The following RADIL variants were observed in gnomAD, a reference collection of about 807,000 sequenced individuals.
RADIL encodes ras-associating and dilute domain-containing protein.
In RADIL, 99 loss-of-function variants were observed where a neutral mutation model predicts 97.6. The observed-to-expected ratio is 1.01, with a 90% confidence interval of 0.86 to 1.20. The LOEUF is 1.20. Ranked by LOEUF, RADIL falls within the 50% of genes most tolerant of loss-of-function variation. RADIL has a pLI of 0.00. For synonymous variants in RADIL, 803 were observed against 691.8 expected, an observed-to-expected ratio of 1.16 and a Z score of -2.52; for missense variants, 1,765 against 1,498.9, an observed-to-expected ratio of 1.18 and a Z score of -2.93.
chr7:4,838,845 TG>T (rs1783369107), intron 2 of RADIL, among the ~76,000 whole-genome samples: 1 of 152,228 alleles, frequency 6.6e-6, no homozygotes, highest in Non-Finnish European at 1.5e-5. Context: ...GGCACAGCCG[TG>T]GGCATGGCCA....
chr7:4,875,520 C>T (rs1256603428), intron 2 of RADIL, among the ~76,000 whole-genome samples: 1 of 152,222 alleles, frequency 6.6e-6, no homozygotes, highest in Non-Finnish European at 1.5e-5. Context: ...CCCAGGGCTC[C>T]TCCTCGCCCG....
intron 2 of RADIL, among the ~76,000 whole-genome samples, chr7:4,864,830 A>T (rs1303967641): frequency 1.3e-5 from 2 of 152,158 alleles, no homozygotes; most frequent in East Asian, 3.8e-4. Flanking sequence ...AACTAAATTA[A>T]TCTCCTATTA....
Position 4,799,621 on chromosome 7 carries a change from T to C in RADIL, c.3122+9A>G. On this transcript the variant is annotated intron_variant, in intron 14 of 14. Coordinates refer to ENST00000399583, the MANE Select transcript of RADIL (RefSeq NM_018059.5). ...GAGAAGGGGCCGGGCGTGCATGCGG[T>C]GGGGGTACCTCAGGTAGCCAAGGCC... 2.5e-6 allele frequency: 4 copies of C among 1,605,766 alleles called. No individual in the cohort carries two copies. The highest frequency in any genetic ancestry group is 3.4e-6 in the Non-Finnish European group (4 of 1,176,024).
chr7:4,864,879 T>C (rs149896859), intron 2 of RADIL, among the ~76,000 whole-genome samples: 2 of 152,290 alleles, frequency 1.3e-5, no homozygotes, highest in African/African-American at 4.8e-5. Context: ...GGAGCCAGAG[T>C]CATCTTTTAA....
In RADIL at chr7:4,872,835, T is replaced by C. The variant is rs1210709621; in HGVS notation, c.535+4770A>G. ...GGCTGACACCTTCCCCACCAGACTC[T>C]GTAGGGGAGTCCGAGGTGAGGGGCA... On this transcript the variant is annotated intron_variant, in intron 2 of 14. Transcript: ENST00000399583. The surrounding 1 kb of genome is among the most constrained non-coding windows in gnomAD (Gnocchi z 5.8). Among the ~76,000 whole-genome samples the C allele has an allele frequency of 6.6e-6, 1 of 152,156 alleles. No individual in the cohort carries two copies. Among genetic ancestry groups the C allele is most frequent in the African/African-American group, 2.4e-5 (1 of 41,438 alleles).
intron 12 of RADIL, among the ~76,000 whole-genome samples, chr7:4,800,788 C>G (rs1782057176): frequency 1.3e-5 from 2 of 152,202 alleles, no homozygotes; most frequent in South Asian, 4.1e-4. Context: ...AATGGTGATC[C>G]TGCCGTGGGT....
intron 5 of RADIL, among the ~76,000 whole-genome samples, chr7:4,829,359 G>A (rs1170952802): frequency 6.6e-6 from 1 of 152,172 alleles, no homozygotes; most frequent in Non-Finnish European, 1.5e-5. Flanking sequence ...GGGAGCGGGT[G>A]TTTGCCAGTG....
chr7:4,843,570 C>A (rs1783498124), intron 2 of RADIL, among the ~76,000 whole-genome samples: 1 of 152,168 alleles, frequency 6.6e-6, no homozygotes. Context: ...CCATGGCCAG[C>A]CTGACTCTGG....
At chr7:4,853,093 G>A (rs565660952) in intron 2 of RADIL, among the ~76,000 whole-genome samples, 1 of 152,278 alleles carries the variant, frequency 6.6e-6, no homozygotes, top group Non-Finnish European at 1.5e-5. Context: ...ACCTTGAGAT[G>A]GGGTGAGTGT....
chr7:4,822,225 C>G lies in RADIL; in HGVS notation c.1615+169G>C, dbSNP rs1315605856. ...GCCCGTGCCACCAGCACCAGCCTCA[C>G]AGGCCGTCCCCGAGCAACTGACACA... On this transcript the variant is annotated intron_variant, in intron 6 of 14. Transcript: ENST00000399583. The surrounding 1 kb of genome is among the most constrained non-coding windows in gnomAD (Gnocchi z 5.3). Among the ~76,000 whole-genome samples, 1 of 152,208 alleles carries G rather than the reference C, an allele frequency of 6.6e-6. No homozygotes were observed. Among genetic ancestry groups the G allele is most frequent in the African/African-American group, 2.4e-5 (1 of 41,462 alleles).
Position 4,840,827 on chromosome 7 carries a change from C to T in RADIL, c.536-4222G>A, listed in dbSNP as rs1016532334. On this transcript the variant is annotated intron_variant, in intron 2 of 14. Transcript: ENST00000399583. The surrounding 1 kb of genome is among the most constrained non-coding windows in gnomAD (Gnocchi z 5.6). ...ACTAAAAATACAAAACTTAGCTGGG[C>T]GTGGAGGTGGGCGCCTGTAGTCCCG... 2.0e-5 allele frequency among the ~76,000 whole-genome samples: 3 copies of T among 152,102 alleles called. No homozygotes were observed. The highest frequency in any genetic ancestry group is 6.5e-5 in the Admixed American group (1 of 15,278).
intron 11 of RADIL, among the ~76,000 whole-genome samples, chr7:4,802,367 G>C (rs1169306935): frequency 5.3e-5 from 6 of 113,672 alleles, no homozygotes; most frequent in Admixed American, 4.8e-4. Context: ...ACGCTGGCTG[G>C]GGGGCCCCCT....
intron 11 of RADIL, among the ~76,000 whole-genome samples, chr7:4,802,930 C>A (rs1782159158): frequency 8.5e-6 from 1 of 117,666 alleles, no homozygotes; most frequent in African/African-American, 4.0e-5. Context: ...GGCTGGGTCC[C>A]CTCCCCGGGC....
rs1282872587 is a variant in RADIL, at chr7:4,880,714, C to T, written c.-64-2511G>A. 6.6e-6 allele frequency among the ~76,000 whole-genome samples: 1 copy of T among 152,226 alleles called. No homozygotes were observed. The highest frequency in any genetic ancestry group is 1.5e-5 in the Non-Finnish European group (1 of 68,042). On this transcript the variant is annotated intron_variant, in intron 1 of 14. Coordinates refer to ENST00000399583, the MANE Select transcript of RADIL (RefSeq NM_018059.5). This position sits in a 1 kb window ranked among gnomAD's most constrained non-coding sequence, Gnocchi z 4.5. ...GGATGGTACAGCCTCTGCCACCAGG[C>T]AGCTGTGGCTCAGGAAACCTCTGCC...
intron 2 of RADIL, among the ~76,000 whole-genome samples, chr7:4,846,607 G>A (rs1490270869): frequency 6.9e-6 from 1 of 145,646 alleles, no homozygotes; most frequent in Non-Finnish European, 1.5e-5. Flanking sequence ...GTGCAGTGGT[G>A]CTGTCTCAGC....
Position 4,835,273 on chromosome 7 carries a change from C to G in RADIL, c.784-34G>C, listed in dbSNP as rs368519802. ...GAGACTCCGCTCAGGGCAGGCGTAA[C>G]GCGAGCAGCACACGGGAAAAGCGTC... is the stretch of plus-strand genomic sequence containing the variant. On this transcript the variant is annotated intron_variant, in intron 3 of 14. Coordinates refer to ENST00000399583, the MANE Select transcript of RADIL (RefSeq NM_018059.5). This position sits in a 1 kb window ranked among gnomAD's most constrained non-coding sequence, Gnocchi z 5.8. 3 of 1,598,230 alleles carry G rather than the reference C, an allele frequency of 1.9e-6. No individual in the cohort carries two copies. In the African/African-American group the frequency reaches 4.0e-5, roughly 21 times the overall value.
intron 7 of RADIL, 78 bp from the exon 8 acceptor site, chr7:4,816,543 G>A: frequency 1.6e-6 from 2 of 1,227,480 alleles, no homozygotes; most frequent in Non-Finnish European, 1.2e-6. Context: ...GACCCAGCGA[G>A]CTCCCCACCC....
rs1239613895 is a variant in RADIL, at chr7:4,867,259, T to C, written c.535+10346A>G. On this transcript the variant is annotated intron_variant, in intron 2 of 14. Coordinates refer to ENST00000399583, the MANE Select transcript of RADIL (RefSeq NM_018059.5). The surrounding 1 kb of genome is among the most constrained non-coding windows in gnomAD (Gnocchi z 4.1). ...CAGCCATGCTCACCAGGAAATGACATGCACATATGCTCTGTAATCCAGCAG... is the reference window on the plus strand; with the variant it reads ...CAGCCATGCTCACCAGGAAATGACACGCACATATGCTCTGTAATCCAGCAG... 6.6e-6 allele frequency among the ~76,000 whole-genome samples: 1 copy of C among 152,172 alleles called. No individual in the cohort carries two copies. The highest frequency in any genetic ancestry group is 1.5e-5 in the Non-Finnish European group (1 of 68,032).
At chr7:4,810,397 G>A (rs1469328145) in intron 9 of RADIL, among the ~76,000 whole-genome samples, 1 of 152,148 alleles carries the variant, frequency 6.6e-6, no homozygotes, top group Non-Finnish European at 1.5e-5. Flanking sequence ...TGGAAGTCCT[G>A]GGCTCAAGTG....
Sources: allele counts gnomAD v4.1 joint callset (sites outside exome capture counted in the v4.1 genomes callset), GRCh38; gene constraint gnomAD v4.1.1; non-coding constraint Gnocchi (gnomAD v3.1); transcripts MANE v1.5; gene names NCBI Gene and HGNC (gene_info 2026-07-23, HGNC 2026-07-21).